SPOCK3: variants seen among roughly 807,000 people sequenced by gnomAD.
The protein encoded by SPOCK3 is SPARC (osteonectin), cwcv and kazal like domains proteoglycan 3.
Under a neutral mutation model 56.6 loss-of-function variants are expected in SPOCK3, and 30 were observed. The observed-to-expected ratio is 0.53, with a 90% CI of 0.40 to 0.72. The LOEUF (loss-of-function observed/expected upper bound fraction) is 0.72, where lower values mean the gene tolerates loss of function less well. Among genes scored for constraint, SPOCK3 ranks in the 30% least tolerant of loss-of-function variants. The pLI, the probability that SPOCK3 is intolerant of heterozygous loss-of-function variation, is 0.00. For synonymous variants in SPOCK3, 196 were observed against 183.3 expected (o/e 1.07, Z -0.56); for missense variants, 527 against 530.0 (o/e 0.99, Z 0.06).
chr4:167,072,562 T>A (rs1337611878), intron 2 of SPOCK3, among the ~76,000 whole-genome samples: 1 of 151,974 alleles, frequency 6.6e-6, no homozygotes, highest in African/African-American at 2.4e-5. Flanking sequence ...AATCTTTTGT[T>A]GAGATGGAGA....
intron 2 of SPOCK3, among the ~76,000 whole-genome samples, chr4:167,193,010 A>G (rs1404099318): frequency 1.4e-5 from 2 of 145,824 alleles, no homozygotes; most frequent in Non-Finnish European, 3.0e-5. Flanking sequence ...TTTTGACCCA[A>G]CGTATGATCT....
intron 7 of SPOCK3, among the ~76,000 whole-genome samples, chr4:166,771,059 ATAT>A (rs1184975503): frequency 6.7e-6 from 1 of 148,760 alleles, no homozygotes; most frequent in Non-Finnish European, 1.5e-5. Flanking sequence ...TATAAATATA[ATAT>A]TATATTATAT....
intron 4 of SPOCK3, among the ~76,000 whole-genome samples, chr4:166,984,717 T>C (rs1434834996): frequency 6.6e-6 from 1 of 152,122 alleles, no homozygotes; most frequent in East Asian, 1.9e-4. Context: ...AAATCCTCTC[T>C]TCTAAGACAG....
chr4:166,914,913 G>A (rs1421593980), intron 4 of SPOCK3, among the ~76,000 whole-genome samples: 1 of 151,910 alleles, frequency 6.6e-6, no homozygotes, highest in Non-Finnish European at 1.5e-5. Flanking sequence ...TAACCATACG[G>A]AACACTAAAT....
At chr4:166,773,166 T>A (rs1439975073) in intron 7 of SPOCK3, among the ~76,000 whole-genome samples, 1 of 152,184 alleles carries the variant, frequency 6.6e-6, no homozygotes, top group Non-Finnish European at 1.5e-5. Flanking sequence ...AAGGGTCTCC[T>A]CTATTCATTA....
intron 4 of SPOCK3, among the ~76,000 whole-genome samples, chr4:166,942,094 T>G (rs182491300): frequency 6.6e-6 from 1 of 152,232 alleles, no homozygotes; most frequent in Non-Finnish European, 1.5e-5. Context: ...AACACTTAAA[T>G]GTTACTGTAT....
intron 4 of SPOCK3, among the ~76,000 whole-genome samples, chr4:166,931,516 C>A (rs1055675104): frequency 3.9e-5 from 6 of 151,958 alleles, no homozygotes; most frequent in Non-Finnish European, 7.4e-5. Flanking sequence ...ATATAAGTTC[C>A]TTTTGAACAG....
chr4:167,139,126 C>T (rs1561257242), intron 2 of SPOCK3, among the ~76,000 whole-genome samples: 1 of 152,036 alleles, frequency 6.6e-6, no homozygotes, highest in East Asian at 1.9e-4. Flanking sequence ...TTCAATTCTA[C>T]AACCATGTTT....
intron 3 of SPOCK3, among the ~76,000 whole-genome samples, chr4:167,006,100 G>C (rs1749444394): frequency 6.6e-6 from 1 of 152,110 alleles, no homozygotes; most frequent in African/African-American, 2.4e-5. Context: ...CTCTGTGCCA[G>C]TATAGTTCTT....
At chr4:167,220,018 A>G (rs1216304859) in intron 2 of SPOCK3, among the ~76,000 whole-genome samples, 3 of 152,146 alleles carry the variant, frequency 2.0e-5, no homozygotes, top group Admixed American at 2.0e-4. Context: ...AGTCAATAAC[A>G]TTACATCTCT....
chr4:166,881,822 C>G (rs1733714683), intron 6 of SPOCK3, among the ~76,000 whole-genome samples: 1 of 152,056 alleles, frequency 6.6e-6, no homozygotes, highest in Admixed American at 6.6e-5. Context: ...CTTCCATGCA[C>G]AAAAGGATTT....
Position 166,960,762 on chromosome 4 carries a change from G to A in SPOCK3, c.350+39587C>T, listed in dbSNP as rs150767768. 6.2e-4 allele frequency among the ~76,000 whole-genome samples: 94 copies of A among 152,298 alleles called. 2 individuals are homozygous for A. In the East Asian group the frequency reaches 9.7e-3, roughly 16 times the overall value. ...ATGCACGAGAATATTTATGTGCAAA[G>A]AATAGCAGGAGAAAGACACTTGGCA... On this transcript the variant is annotated intron_variant, in intron 4 of 10. Coordinates refer to ENST00000357545, the MANE Select transcript of SPOCK3 (RefSeq NM_001040159.2).
chr4:166,813,611 T>C (rs528807450), intron 6 of SPOCK3, among the ~76,000 whole-genome samples: 3 of 151,938 alleles, frequency 2.0e-5, no homozygotes, highest in East Asian at 3.9e-4. Context: ...GCATATACAA[T>C]ATAATATTGT....
At chr4:167,002,702 A>G (rs926986890) in intron 3 of SPOCK3, among the ~76,000 whole-genome samples, 5 of 152,142 alleles carry the variant, frequency 3.3e-5, no homozygotes, top group Non-Finnish European at 5.9e-5. Flanking sequence ...TTGAATCATC[A>G]TTAGGTAAAA....
At chr4:167,061,181 T>C (rs1229459722) in intron 3 of SPOCK3, among the ~76,000 whole-genome samples, 1 of 151,990 alleles carries the variant, frequency 6.6e-6, no homozygotes, top group Non-Finnish European at 1.5e-5. Context: ...AACATCTTTA[T>C]TATAACTGGA....
chr4:167,057,858 G>C (rs1009722349), intron 3 of SPOCK3, among the ~76,000 whole-genome samples: 2 of 152,092 alleles, frequency 1.3e-5, no homozygotes, highest in African/African-American at 4.8e-5. Context: ...ACACCCCACT[G>C]TCAACATTAG....
chr4:167,022,864 A>G (rs1311543752), intron 3 of SPOCK3, among the ~76,000 whole-genome samples: 1 of 151,968 alleles, frequency 6.6e-6, no homozygotes, highest in Non-Finnish European at 1.5e-5. Flanking sequence ...TGAGAGAGAT[A>G]TGTAGATGAT....
At chr4:166,780,488 T>C (rs1740043525) in intron 7 of SPOCK3, among the ~76,000 whole-genome samples, 1 of 152,118 alleles carries the variant, frequency 6.6e-6, no homozygotes, top group East Asian at 1.9e-4. Flanking sequence ...AGGTATGAAC[T>C]CCCATCCACA....
At chr4:166,739,105 A>G (rs1018962032) in intron 9 of SPOCK3, among the ~76,000 whole-genome samples, 6 of 151,980 alleles carry the variant, frequency 3.9e-5, no homozygotes, top group African/African-American at 9.7e-5. Context: ...ATGTGTTCCT[A>G]TTTCTCCACA....
Sources: allele counts gnomAD v4.1 joint callset (sites outside exome capture counted in the v4.1 genomes callset), GRCh38; gene constraint gnomAD v4.1.1; transcripts MANE v1.5; gene names NCBI Gene and HGNC (gene_info 2026-07-23, HGNC 2026-07-21).